CCDC178: variants seen among roughly 807,000 people sequenced by gnomAD.
CCDC178 encodes coiled-coil domain-containing protein 178.
A neutral mutation model predicts 117.4 loss-of-function variants in CCDC178; 126 were observed. That is an observed-to-expected ratio of 1.07 (90% CI 0.93 to 1.24). CCDC178 has a LOEUF of 1.24. CCDC178 is among the 50% of genes most tolerant of loss of function. CCDC178 has a pLI of 0.00. For missense variants in CCDC178, 1,030 were observed against 986.9 expected (o/e 1.04, Z -0.59); for synonymous variants, 283 against 313.4 (o/e 0.90, Z 1.02).
intron 21 of CCDC178, among the ~76,000 whole-genome samples, chr18:32,988,398 T>C (rs1235830863): frequency 6.6e-6 from 1 of 152,130 alleles, no homozygotes; most frequent in African/African-American, 2.4e-5. Context: ...ATCGTGCCAC[T>C]GCATGCCAGC....
chr18:33,290,926 C>T lies in CCDC178; in HGVS notation c.1176+2233G>A, dbSNP rs564890614. Among the ~76,000 whole-genome samples the T allele has an allele frequency of 3.3e-5, 5 of 152,238 alleles. 1 individual carries two copies. The Middle Eastern group carries it at 0.01, about 311-fold the overall frequency. ...AAAAAGTAACTGGAAACTCACTTCA[C>T]ATTACACCCATACATTAATTTCTTA... On this transcript the variant is annotated intron_variant, in intron 12 of 22. Transcript: ENST00000383096.
Position 33,189,698 on chromosome 18 carries a change from A to G in CCDC178, c.2238+22198T>C, listed in dbSNP as rs73419499. Among the ~76,000 whole-genome samples, 1,202 of 152,280 alleles carry G rather than the reference A, an allele frequency of 7.9e-3. 13 individuals carry two copies. The highest frequency in any genetic ancestry group is 0.027 in the African/African-American group (1,120 of 41,556). ...TTGCAATTGACTTTATTTAGAAGCA[A>G]AACGTATTTTTTAAAGGCATGTGTG... On this transcript the variant is annotated intron_variant, in intron 20 of 22. Transcript: ENST00000383096.
intron 21 of CCDC178, among the ~76,000 whole-genome samples, chr18:33,013,273 AATCATATAG>A (rs944607956): frequency 7.2e-4 from 110 of 152,260 alleles, no homozygotes; most frequent in African/African-American, 2.6e-3. Flanking sequence ...TTAGTTCCTT[AATCATATAG>A]ATACATTCTT....
chr18:33,209,436 C>T (rs979950934), intron 20 of CCDC178, among the ~76,000 whole-genome samples: 2 of 151,954 alleles, frequency 1.3e-5, no homozygotes, highest in African/African-American at 4.8e-5. Context: ...TACAGATGAT[C>T]CATAATTGTG....
chr18:32,997,452 C>A (rs1206550205), intron 21 of CCDC178, among the ~76,000 whole-genome samples: 4 of 152,190 alleles, frequency 2.6e-5, no homozygotes, highest in African/African-American at 9.7e-5. Flanking sequence ...CAGCAGATAG[C>A]TTTCAGGGTC....
chr18:32,949,622 T>C (rs1394426187), intron 22 of CCDC178, among the ~76,000 whole-genome samples: 1 of 152,186 alleles, frequency 6.6e-6, no homozygotes, highest in Non-Finnish European at 1.5e-5. Flanking sequence ...ACTTAATTTA[T>C]AAACATATGG....
At chr18:33,060,632 G>A (rs550591959) in intron 21 of CCDC178, among the ~76,000 whole-genome samples, 1 of 151,998 alleles carries the variant, frequency 6.6e-6, no homozygotes, top group Non-Finnish European at 1.5e-5. Context: ...CCCGCTATTG[G>A]TGAATACAGT....
chr18:33,245,229 C>A lies in CCDC178; in HGVS notation c.1593+16G>T, dbSNP rs115761165. The stretch of plus-strand genomic sequence containing the variant: ...TTTTTTTCATCATGAGTAAGAGGAA[C>A]ACAAAGATACACAACCTTGAACTTT... On this transcript the variant is annotated intron_variant, in intron 15 of 22. Transcript: ENST00000383096. The A allele has an allele frequency of 1.5e-3, 2,327 of 1,539,336 alleles. 38 individuals are homozygous for A. In the African/African-American group the frequency reaches 0.029, roughly 19 times the overall value.
chr18:33,287,646 G>T (rs950943345), intron 12 of CCDC178, among the ~76,000 whole-genome samples: 10 of 152,170 alleles, frequency 6.6e-5, no homozygotes, highest in African/African-American at 2.4e-4. Flanking sequence ...TGGGTATGGT[G>T]GCTCACACCT....
chr18:33,082,383 G>A (rs1233638045), intron 21 of CCDC178, among the ~76,000 whole-genome samples: 1 of 152,052 alleles, frequency 6.6e-6, no homozygotes, highest in African/African-American at 2.4e-5. Context: ...GAGGTGGGAG[G>A]ATCACCTGAG....
Position 33,306,350 on chromosome 18 carries a change from A to C in CCDC178, c.1023-13038T>G, listed in dbSNP as rs75987537. Among the ~76,000 whole-genome samples the C allele has an allele frequency of 4.6e-3, 699 of 151,422 alleles. 4 individuals are homozygous for C. Among genetic ancestry groups the C allele is most frequent in the African/African-American group, 0.016 (667 of 41,344 alleles). ...TAATTTGGACCCAGCTATCTTTTAT[A>C]AAATGGTGAGTTTGTGTTATTATCT... On this transcript the variant is annotated intron_variant, in intron 11 of 22. Transcript: ENST00000383096.
intron 14 of CCDC178, among the ~76,000 whole-genome samples, chr18:33,245,725 T>C (rs1398060241): frequency 6.6e-6 from 1 of 151,834 alleles, no homozygotes; most frequent in African/African-American, 2.4e-5. Context: ...CCTTCTATAC[T>C]CCTTTCCATT....
At chr18:33,013,037 T>A (rs967641569) in intron 21 of CCDC178, among the ~76,000 whole-genome samples, 1 of 152,192 alleles carries the variant, frequency 6.6e-6, no homozygotes, top group Admixed American at 6.5e-5. Context: ...ATAATTTACA[T>A]AATTAATTTT....
At chr18:33,050,492 G>T (rs2056727548) in intron 21 of CCDC178, among the ~76,000 whole-genome samples, 1 of 152,160 alleles carries the variant, frequency 6.6e-6, no homozygotes, top group Non-Finnish European at 1.5e-5. Context: ...CTATATGGAA[G>T]AGTAGATTGG....
At position 33,237,888 on chromosome 18, in the gene CCDC178, A is replaced by G. The variant is rs192262141; in HGVS notation, c.1593+7357T>C. On this transcript the variant is annotated intron_variant, in intron 15 of 22. Coordinates refer to ENST00000383096, the MANE Select transcript of CCDC178 (RefSeq NM_001105528.4). ...GACAGAGTAACAGCCCTGTGGCCTC[A>G]ACCCCAGTGAGCCAGACCCTAAGTT... 9.1e-4 allele frequency among the ~76,000 whole-genome samples: 138 copies of G among 152,344 alleles called. 2 individuals carry two copies. In the Middle Eastern group the frequency reaches 0.014, roughly 15 times the overall value.
In CCDC178 at chr18:33,329,873, TAG is replaced by T. The variant is rs1344160597; in HGVS notation, c.879+3299_879+3300del. On this transcript the variant is annotated intron_variant, in intron 10 of 22. Coordinates refer to ENST00000383096, the MANE Select transcript of CCDC178 (RefSeq NM_001105528.4). ...AAGAGTTTGAGAGTTGGAGAATTAT[TAG>T]AGTGTGTGTGTGTGTGTGTGTGTGT... Among the ~76,000 whole-genome samples, 173 of 84,502 alleles carry T rather than the reference TAG, an allele frequency of 2.0e-3. 3 individuals carry two copies. The highest frequency in any genetic ancestry group is 6.8e-3 in the African/African-American group (146 of 21,498). The allele number at this position is 84,502 out of a possible 152,430, so 55.4% of individuals were successfully genotyped here. A position where few individuals can be genotyped will look rare whatever the true frequency, so the allele number is the denominator to read the frequency against.
chr18:33,113,022 G>T (rs944173226), intron 20 of CCDC178, among the ~76,000 whole-genome samples: 1 of 151,874 alleles, frequency 6.6e-6, no homozygotes, highest in Non-Finnish European at 1.5e-5. Flanking sequence ...TAAGGTCATG[G>T]TCTTTGATTG....
intron 11 of CCDC178, among the ~76,000 whole-genome samples, chr18:33,298,565 T>G (rs1809987476): frequency 6.6e-6 from 1 of 152,186 alleles, no homozygotes; most frequent in African/African-American, 2.4e-5. Context: ...CTATAAGATC[T>G]AGAACAAGAC....
rs144696133 is a variant in CCDC178, at chr18:33,409,536, T to C, written c.58+2495A>G. On this transcript the variant is annotated intron_variant, in intron 3 of 22. Transcript: ENST00000383096. Reference sequence around the variant, plus strand: ...TTCACAGAAGTTAGTAAATATGACCTCCCATGGTGTTCTTGTGATAGAATT... The same window carrying C: ...TTCACAGAAGTTAGTAAATATGACCCCCCATGGTGTTCTTGTGATAGAATT... Among the ~76,000 whole-genome samples, 331 of 152,300 alleles carry C rather than the reference T, an allele frequency of 2.2e-3. 4 individuals are homozygous for C. The highest frequency in any genetic ancestry group is 7.5e-3 in the African/African-American group (313 of 41,578).
Sources: gnomAD v4.1 joint callset for allele counts (sites outside exome capture counted in the v4.1 genomes callset) on GRCh38, gnomAD v4.1.1 for gene constraint, MANE v1.5 for transcripts, NCBI Gene and HGNC (gene_info 2026-07-23, HGNC 2026-07-21) for gene names.